Variants in PIAS2 observed in about 807,000 individuals in gnomAD.
PIAS2 encodes protein inhibitor of activated STAT 2.
PIAS2 carries 19 observed loss-of-function variants against 69.7 expected under a neutral mutation model. The ratio of observed to expected loss-of-function variants is 0.27; its 90% CI spans 0.19 to 0.40. The LOEUF (loss-of-function observed/expected upper bound fraction) is 0.40. Ranked by LOEUF, PIAS2 falls within the 10% of genes least tolerant of loss-of-function variation. The probability of loss-of-function intolerance (pLI) is 1.00; values close to 1 mark genes in which losing one functional copy is unlikely to be tolerated. For synonymous variants in PIAS2, 261 were observed against 263.2 expected (o/e 0.99, Z 0.08); for missense variants, 624 against 757.0 (o/e 0.82, Z 2.06).
chr18:46,840,627 C>T (rs531753595), intron 8 of PIAS2, among the ~76,000 whole-genome samples: 2 of 152,144 alleles, frequency 1.3e-5, no homozygotes, highest in Non-Finnish European at 2.9e-5. Flanking sequence ...TAATTCTACT[C>T]TAGTGGTCTT....
At chr18:46,908,983 A>C (rs542694297) in intron 1 of PIAS2, among the ~76,000 whole-genome samples, 1 of 152,274 alleles carries the variant, frequency 6.6e-6, no homozygotes, top group East Asian at 1.9e-4. Flanking sequence ...CACTCCAGCC[A>C]GGGCTACAGA....
chr18:46,844,574 C>T (rs1256032949), intron 7 of PIAS2, among the ~76,000 whole-genome samples, 160 bp downstream of exon 7: 1 of 151,884 alleles, frequency 6.6e-6, no homozygotes, highest in Non-Finnish European at 1.5e-5. Context: ...AATGTGTCTA[C>T]AATTTTACTC....
intron 3 of PIAS2, among the ~76,000 whole-genome samples, chr18:46,856,167 G>A (rs897317346): frequency 2.6e-5 from 4 of 151,656 alleles, no homozygotes; most frequent in South Asian, 2.1e-4. Flanking sequence ...CACCACGCCC[G>A]GCTAATTTTA....
chr18:46,819,196 A>G (rs192248741), intron 12 of PIAS2, among the ~76,000 whole-genome samples: 18 of 152,226 alleles, frequency 1.2e-4, no homozygotes, highest in Admixed American at 2.6e-4. Context: ...ATGCTTGCTT[A>G]TAACACATAC....
intron 1 of PIAS2, among the ~76,000 whole-genome samples, chr18:46,902,242 G>GAA (rs34702120): frequency 7.9e-6 from 1 of 126,380 alleles, no homozygotes. Context: ...ACAAAACACT[G>GAA]AAAAAAAAAA....
chr18:46,894,998 G>A (rs1054159742), intron 1 of PIAS2, among the ~76,000 whole-genome samples: 11 of 151,662 alleles, frequency 7.3e-5, no homozygotes, highest in Non-Finnish European at 1.3e-4. Flanking sequence ...GCTTGAAACC[G>A]GGAGGCGGAG....
At position 46,803,840 on chromosome 18, in the gene PIAS2, C is replaced by T. The variant is rs964481877; in HGVS notation, c.*8593G>A. The T allele has an allele frequency of 2.0e-5, 3 of 152,202 alleles. No homozygotes were observed. The highest frequency in any genetic ancestry group is 4.4e-5 in the Non-Finnish European group (3 of 68,082). The allele number at this position is 152,202 out of a possible 1,614,324, so 9.4% of individuals were successfully genotyped here. On this transcript the variant is annotated 3_prime_UTR_variant, in exon 14 of 14. Coordinates refer to ENST00000585916, the MANE Select transcript of PIAS2 (RefSeq NM_004671.5). Reference sequence around the variant, plus strand: ...GGTCTACAAGGAGTTGCTTACACTTCCAGGTTTAATACACCTACTCCCATA... The same window carrying T: ...GGTCTACAAGGAGTTGCTTACACTTTCAGGTTTAATACACCTACTCCCATA...
intron 13 of PIAS2, among the ~76,000 whole-genome samples, chr18:46,814,971 G>C (rs1168489652): frequency 6.6e-6 from 1 of 152,148 alleles, no homozygotes; most frequent in Non-Finnish European, 1.5e-5. Flanking sequence ...TATACAGAAT[G>C]TTTTAGCTAA....
At chr18:46,861,332 G>T (rs1331157038) in intron 3 of PIAS2, among the ~76,000 whole-genome samples, 1 of 152,146 alleles carries the variant, frequency 6.6e-6, no homozygotes, top group Admixed American at 6.6e-5. Context: ...ATGTAAAAAA[G>T]ATTAAGGACA....
chr18:46,909,538 A>G (rs1205972821), intron 1 of PIAS2, among the ~76,000 whole-genome samples: 1 of 152,208 alleles, frequency 6.6e-6, no homozygotes, highest in East Asian at 1.9e-4. Flanking sequence ...GTGAGCTACC[A>G]TGCCCAACCG....
At chr18:46,894,115 G>C (rs146554024) in intron 1 of PIAS2, among the ~76,000 whole-genome samples, 3,861 of 152,142 alleles carry the variant, frequency 0.025, 150 homozygotes, top group African/African-American at 0.089. Context: ...GACAGAGTGA[G>C]ACCCCATCTC....
Position 46,803,309 on chromosome 18 carries a change from T to A in PIAS2, c.*9124A>T, listed in dbSNP as rs1269069944. 1 of 152,100 alleles carries A rather than the reference T, an allele frequency of 6.6e-6. No individual in the cohort carries two copies. The allele number at this position is 152,100 out of a possible 1,614,324, so 9.4% of individuals were successfully genotyped here. On this transcript the variant is annotated 3_prime_UTR_variant, in exon 14 of 14. Coordinates refer to ENST00000585916, the MANE Select transcript of PIAS2 (RefSeq NM_004671.5). ...AATATGGTGGTATTTTAAATGAAAG[T>A]TTTTTAAAAAATGGATACTTACTTT...
chr18:46,835,303 T>C (rs1184573626), intron 9 of PIAS2, among the ~76,000 whole-genome samples: 1 of 152,014 alleles, frequency 6.6e-6, no homozygotes, highest in Non-Finnish European at 1.5e-5. Context: ...ACATGGGAGG[T>C]TCTTTGTGCT....
chr18:46,816,079 A>G, intron 12 of PIAS2: 1 of 984,760 alleles, frequency 1.0e-6, no homozygotes, highest in Non-Finnish European at 1.2e-6. Context: ...CTTCAACATC[A>G]GTTCACCTAG....
Position 46,812,365 on chromosome 18 carries a change from T to C in PIAS2, c.*68A>G. On this transcript the variant is annotated 3_prime_UTR_variant, in exon 14 of 14. Transcript: ENST00000585916. ...TTAAAAAAAAAAAAAAAAGAACGTT[T>C]CCACAGACTAGAGATCCAAGAAAAA... 2 of 855,886 alleles carry C rather than the reference T, an allele frequency of 2.3e-6. No individual in the cohort carries two copies. The highest frequency in any genetic ancestry group is 3.2e-4 in the Middle Eastern group (1 of 3,128). The allele number at this position is 855,886 out of a possible 1,614,324, so 53.0% of individuals were successfully genotyped here. A position where few individuals can be genotyped will look rare whatever the true frequency, so the allele number is the denominator to read the frequency against.
intron 2 of PIAS2, among the ~76,000 whole-genome samples, chr18:46,889,065 TACCA>T (rs2053653997): frequency 6.6e-6 from 1 of 152,166 alleles, no homozygotes; most frequent in Non-Finnish European, 1.5e-5. Context: ...ACTCACCTAA[TACCA>T]TATACGAAAA....
upstream of PIAS2, among the ~76,000 whole-genome samples, chr18:46,919,827 G>A (rs1351290577): frequency 1.3e-5 from 2 of 152,008 alleles, no homozygotes; most frequent in Admixed American, 6.6e-5. Flanking sequence ...TGTGATCTTC[G>A]CTTGGCTTAT....
In PIAS2 at chr18:46,812,632, A is replaced by G; in HGVS notation, c.1687-20T>C. ...ACAGTACTGCTTGAAACAAACAATG[A>G]TGCCAATGAGGAAGAGGCTACTTGA... On this transcript the variant is annotated intron_variant, in intron 13 of 13. Coordinates refer to ENST00000585916, the MANE Select transcript of PIAS2 (RefSeq NM_004671.5). The G allele has an allele frequency of 6.6e-7, 1 of 1,526,472 alleles. No individual in the cohort carries two copies. The highest frequency in any genetic ancestry group is 1.2e-5 in the South Asian group (1 of 84,054). The allele number at this position is 1,526,472 out of a possible 1,614,324, so 94.6% of individuals were successfully genotyped here.
intron 8 of PIAS2, 98 bp from the exon 9 acceptor site, chr18:46,836,615 AGAT>A (rs2044474884): frequency 1.3e-6 from 1 of 778,362 alleles, no homozygotes; most frequent in African/African-American, 1.7e-5. Flanking sequence ...TCATACAAGA[AGAT>A]GATAAAAATG....
Sources: gnomAD v4.1 joint callset for allele counts (sites outside exome capture counted in the v4.1 genomes callset) on GRCh38, gnomAD v4.1.1 for gene constraint, MANE v1.5 for transcripts, NCBI Gene and HGNC (gene_info 2026-07-23, HGNC 2026-07-21) for gene names.